THAP12: variants seen among roughly 807,000 people sequenced by gnomAD.
The protein encoded by THAP12 is 52 kDa repressor of the inhibitor of the protein kinase.
In THAP12, 20 loss-of-function variants were observed where a neutral mutation model predicts 63.0. The ratio of observed to expected loss-of-function variants is 0.32; its 90% CI spans 0.22 to 0.46. THAP12 has a LOEUF of 0.46. Ranked by LOEUF, THAP12 falls within the 20% of genes least tolerant of loss-of-function variation. The pLI is 1.00. For missense variants in THAP12, 568 were observed against 908.2 expected (o/e 0.63, Z 4.81); for synonymous variants, 264 against 328.4 (o/e 0.80, Z 2.12).
At position 76,350,770 on chromosome 11, in the gene THAP12, A is replaced by G; in HGVS notation, c.*94T>C. 7.5e-7 allele frequency: 1 copy of G among 1,337,412 alleles called. No individual in the cohort carries two copies. Among genetic ancestry groups the G allele is most frequent in the Non-Finnish European group, 9.8e-7 (1 of 1,016,078 alleles). 82.8% of individuals were successfully genotyped at this position (1,337,412 alleles called of 1,614,324 possible). On this transcript the variant is annotated 3_prime_UTR_variant, in exon 5 of 5. Transcript: ENST00000260045. ...GCTAATGTATTCAATGGAGTCCTAT[A>G]GGCAAAGATATTTAGTGATTAAGTG...
chr11:76,372,876 G>C (rs1946684111), intron 1 of THAP12, among the ~76,000 whole-genome samples: 1 of 151,296 alleles, frequency 6.6e-6, no homozygotes, highest in South Asian at 2.1e-4. Flanking sequence ...GACAGAATAA[G>C]AACCTGTCTC....
At chr11:76,364,745 A>G (rs1412243849) in intron 2 of THAP12, among the ~76,000 whole-genome samples, 1 of 152,226 alleles carries the variant, frequency 6.6e-6, no homozygotes, top group African/African-American at 2.4e-5. Flanking sequence ...CATATTATTG[A>G]TGAAAATGTT....
intron 1 of THAP12, among the ~76,000 whole-genome samples, chr11:76,376,021 G>A (rs1946707492): frequency 1.3e-5 from 2 of 152,310 alleles, no homozygotes; most frequent in African/African-American, 2.4e-5. Flanking sequence ...TATAAAGACC[G>A]AAAGTGGATT....
At chr11:76,380,224 A>T (rs1946743224) in intron 1 of THAP12, among the ~76,000 whole-genome samples, 1 of 152,098 alleles carries the variant, frequency 6.6e-6, no homozygotes, top group South Asian at 2.1e-4. Flanking sequence ...GACAGCCAGA[A>T]AATGAATCCT....
chr11:76,351,076 C>T lies in THAP12; in HGVS notation c.2074G>A (p.Val692Ile), dbSNP rs1184695380. The change falls in exon 5 of 5, where the codon GTT becomes ATT. Residue 692 changes from valine (V) to isoleucine (I), a missense_variant. Val to Ile is a conservative substitution (Grantham distance 29). Transcript: ENST00000260045. ...KVLCILPVMK[V>I]ENERYENGRK... ...CCATTTTCATACCGCTCATTCTCAA[C>T]CTTCATCACAGGAAGAATACACAGG... is the stretch of plus-strand genomic sequence containing the variant. The T allele has an allele frequency of 6.2e-7, 1 of 1,611,864 alleles. No individual in the cohort carries two copies. The highest frequency in any genetic ancestry group is 8.5e-7 in the Non-Finnish European group (1 of 1,179,820).
intron 3 of THAP12, chr11:76,357,555 G>A (rs1946569794): frequency 6.6e-6 from 1 of 151,856 alleles, no homozygotes; most frequent in Non-Finnish European, 1.5e-5. Context: ...AAGCTTTGAG[G>A]GAGAAAAGAA....
At chr11:76,369,498 TAGAA>T in intron 1 of THAP12, among the ~76,000 whole-genome samples, 1 of 152,352 alleles carries the variant, frequency 6.6e-6, no homozygotes, top group East Asian at 1.9e-4. Context: ...CTGCTGTCCT[TAGAA>T]AGGCCTGTTT....
At chr11:76,366,682 G>GA (rs755862384) in intron 1 of THAP12, among the ~76,000 whole-genome samples, 234 of 137,686 alleles carry the variant, frequency 1.7e-3, no homozygotes, top group African/African-American at 3.2e-3. Context: ...CTCCGTCTCG[G>GA]AAAAAAAAAA....
At chr11:76,372,774 C>A (rs2851477) in intron 1 of THAP12, among the ~76,000 whole-genome samples, 29,017 of 151,822 alleles carry the variant, frequency 0.19, 3,348 homozygotes, top group Admixed American at 0.33. Flanking sequence ...TGGTCCCCAG[C>A]TACTTGGGAG....
intron 4 of THAP12, 92 bp downstream of exon 4, chr11:76,355,526 G>T: frequency 1.7e-6 from 2 of 1,208,078 alleles, no homozygotes; most frequent in Non-Finnish European, 2.3e-6. Flanking sequence ...CTCAAGGTAG[G>T]TTTTCAACAC....
chr11:76,350,265 T>C lies in THAP12; in HGVS notation c.*599A>G, dbSNP rs1336443227. On this transcript the variant is annotated 3_prime_UTR_variant, in exon 5 of 5. Transcript: ENST00000260045. ...GGAAGATGTAGGCTCCACAAAGGAATGTAAACAGCAACGAGATGTGGAACA... is the reference window on the plus strand; with the variant it reads ...GGAAGATGTAGGCTCCACAAAGGAACGTAAACAGCAACGAGATGTGGAACA... 3 of 152,366 alleles carry C rather than the reference T, an allele frequency of 2.0e-5. No individual in the cohort carries two copies. The highest frequency in any genetic ancestry group is 6.5e-5 in the Admixed American group (1 of 15,276). 9.4% of individuals were successfully genotyped at this position (152,366 alleles called of 1,614,324 possible).
In THAP12 at chr11:76,381,042, T is replaced by C. The variant is rs1946756420; in HGVS notation, c.-206A>G. 4.4e-6 allele frequency: 1 copy of C among 226,366 alleles called. No individual in the cohort carries two copies. The highest frequency in any genetic ancestry group is 8.5e-6 in the Non-Finnish European group (1 of 118,218). The allele number at this position is 226,366 out of a possible 1,614,324, so 14.0% of individuals were successfully genotyped here. ...CCGGGCTGGGGACGCGGCTCCACAG[T>C]GCTGTGAGCGGCCGGGAGGATTTAC... On this transcript the variant is annotated 5_prime_UTR_variant, in exon 1 of 5. Coordinates refer to ENST00000260045, the MANE Select transcript of THAP12 (RefSeq NM_004705.4).
At chr11:76,357,235 G>A (rs1946567655) in intron 3 of THAP12, 1 of 152,112 alleles carries the variant, frequency 6.6e-6, no homozygotes, top group Non-Finnish European at 1.5e-5. Context: ...CTGTATATAA[G>A]GGAATCAAGT....
At chr11:76,360,531 C>A (rs1000682748) in intron 3 of THAP12, among the ~76,000 whole-genome samples, 2 of 152,170 alleles carry the variant, frequency 1.3e-5, no homozygotes, top group Non-Finnish European at 2.9e-5. Flanking sequence ...AAACCCTGTA[C>A]ATATTTAATA....
chr11:76,372,753 G>A (rs907398231), intron 1 of THAP12, among the ~76,000 whole-genome samples: 6 of 152,104 alleles, frequency 3.9e-5, no homozygotes, highest in African/African-American at 1.4e-4. Flanking sequence ...AAGTGTGGTG[G>A]CGTGCGCCTA....
chr11:76,373,804 T>C (rs1430483439), intron 1 of THAP12, among the ~76,000 whole-genome samples: 1 of 152,142 alleles, frequency 6.6e-6, no homozygotes, highest in African/African-American at 2.4e-5. Context: ...CTTTGCACTA[T>C]TACATTATTG....
intron 1 of THAP12, among the ~76,000 whole-genome samples, chr11:76,378,661 G>C (rs1205709176): frequency 6.6e-6 from 1 of 151,610 alleles, no homozygotes; most frequent in African/African-American, 2.4e-5. Context: ...ACCCTGACTG[G>C]AGTGCAGTGG....
At chr11:76,370,151 C>T (rs75683015) in intron 1 of THAP12, among the ~76,000 whole-genome samples, 5,789 of 152,228 alleles carry the variant, frequency 0.038, 146 homozygotes, top group East Asian at 0.08. Context: ...CCTCTTCCCC[C>T]CAAAACCTAA....
intron 3 of THAP12, 126 bp from the exon 4 acceptor site, chr11:76,355,780 A>G: frequency 2.7e-6 from 2 of 731,390 alleles, no homozygotes; most frequent in South Asian, 2.4e-5. Context: ...AAGAGCATAA[A>G]TTCTTTATAT....
Sources: gnomAD v4.1 joint callset for allele counts (sites outside exome capture counted in the v4.1 genomes callset) on GRCh38, gnomAD v4.1.1 for gene constraint, MANE v1.5 for transcripts, NCBI Gene and HGNC (gene_info 2026-07-23, HGNC 2026-07-21) for gene names.